Variants in CEP112 observed in about 807,000 individuals in gnomAD.
The protein encoded by CEP112 is centrosomal protein 112, also known as centrosomal protein of 112 kDa.
CEP112 carries 127 observed loss-of-function variants against 153.0 expected under a neutral mutation model. The ratio of observed to expected loss-of-function variants is 0.83; its 90% CI spans 0.72 to 0.96. CEP112 has a LOEUF of 0.96. Ranked by LOEUF, CEP112 falls within the 40% of genes least tolerant of loss-of-function variation. CEP112 has a pLI of 0.00. For missense variants in CEP112, 1,089 were observed against 1,101.2 expected (o/e 0.99, Z 0.16); for synonymous variants, 358 against 374.4 (o/e 0.96, Z 0.51).
At chr17:65,731,255 G>A (rs950040055) in intron 23 of CEP112, among the ~76,000 whole-genome samples, 4 of 152,058 alleles carry the variant, frequency 2.6e-5, no homozygotes, top group African/African-American at 9.7e-5. Flanking sequence ...CTGTAATAAA[G>A]TGTATACCAT....
chr17:65,958,748 A>C (rs1316882747), intron 18 of CEP112, among the ~76,000 whole-genome samples: 2 of 152,092 alleles, frequency 1.3e-5, no homozygotes, highest in Non-Finnish European at 2.9e-5. Context: ...CCTGCTCATA[A>C]GGGGATGGGT....
intron 24 of CEP112, among the ~76,000 whole-genome samples, chr17:65,685,437 G>GT: frequency 6.6e-6 from 1 of 152,232 alleles, no homozygotes; most frequent in African/African-American, 2.4e-5. Flanking sequence ...AATGCAACCA[G>GT]TATCAGGATA....
At chr17:65,746,559 T>C (rs966368715) in intron 22 of CEP112, among the ~76,000 whole-genome samples, 1 of 152,150 alleles carries the variant, frequency 6.6e-6, no homozygotes, top group Non-Finnish European at 1.5e-5. Flanking sequence ...CAGATTAACA[T>C]GCTTCAGGTA....
At chr17:65,937,606 G>A (rs1351868567) in intron 18 of CEP112, among the ~76,000 whole-genome samples, 12 of 103,042 alleles carry the variant, frequency 1.2e-4, no homozygotes, top group Non-Finnish European at 1.4e-4. Context: ...CGCCCCGTCC[G>A]GGAGGGAGGT....
At chr17:65,742,358 TC>T (rs1463582770) in intron 23 of CEP112, among the ~76,000 whole-genome samples, 1 of 152,226 alleles carries the variant, frequency 6.6e-6, no homozygotes. Flanking sequence ...AATTTTTTGT[TC>T]TCTTTTAAAC....
intron 21 of CEP112, among the ~76,000 whole-genome samples, chr17:65,777,787 A>G (rs900420020): frequency 6.6e-6 from 1 of 151,960 alleles, no homozygotes; most frequent in Non-Finnish European, 1.5e-5. Context: ...TTTTTTCTGG[A>G]AGAGAATCTA....
chr17:65,675,250 A>G (rs1181224716), intron 24 of CEP112, among the ~76,000 whole-genome samples: 3 of 152,220 alleles, frequency 2.0e-5, no homozygotes, highest in Non-Finnish European at 4.4e-5. Flanking sequence ...TACCGTAACT[A>G]CTAAAAAAAG....
chr17:65,709,472 TC>T (rs2049070668), intron 23 of CEP112, among the ~76,000 whole-genome samples: 2 of 152,054 alleles, frequency 1.3e-5, no homozygotes, highest in South Asian at 4.2e-4. Flanking sequence ...GAAAGGGGTT[TC>T]CCCTTATGAA....
intron 24 of CEP112, among the ~76,000 whole-genome samples, chr17:65,662,358 G>A (rs1216413395): frequency 6.6e-6 from 1 of 152,212 alleles, no homozygotes; most frequent in African/African-American, 2.4e-5. Flanking sequence ...GTTAGATTGA[G>A]CAAGAGGCTG....
intron 6 of CEP112, among the ~76,000 whole-genome samples, chr17:66,123,820 C>T (rs972508683): frequency 6.6e-6 from 1 of 152,106 alleles, no homozygotes; most frequent in Non-Finnish European, 1.5e-5. Flanking sequence ...TGTTTAATTT[C>T]TAAATATTTG....
intron 24 of CEP112, among the ~76,000 whole-genome samples, chr17:65,653,433 T>A (rs1295696129): frequency 6.6e-6 from 1 of 152,114 alleles, no homozygotes; most frequent in Non-Finnish European, 1.5e-5. Context: ...TAAAGTGAGT[T>A]TGACTGGTGG....
Position 66,175,143 on chromosome 17 carries a change from A to G in CEP112, c.371T>C (p.Leu124Pro), listed in dbSNP as rs777708924. 1.2e-6 allele frequency: 2 copies of G among 1,613,562 alleles called. No homozygotes were observed. Among genetic ancestry groups the G allele is most frequent in the Non-Finnish European group, 1.7e-6 (2 of 1,179,736 alleles). The change falls in exon 4 of 27, where the codon CTG becomes CCG. Residue 124 changes from leucine (L) to proline (P), a missense_variant. Leu to Pro is a moderately conservative substitution (Grantham distance 98). Transcript: ENST00000535342. ...GTGTTCACTTGTCTCCAGCTCACCC[A>G]GTACCCAGGCTGGTAATCCCTCTGG... ...SSPEGLPAWV[L>P]GELETSEHKL...
chr17:65,780,898 A>G (rs2053959665), intron 21 of CEP112, among the ~76,000 whole-genome samples: 1 of 152,096 alleles, frequency 6.6e-6, no homozygotes, highest in African/African-American at 2.4e-5. Flanking sequence ...GCATGCTCAT[A>G]ATGTCTTATT....
At chr17:66,126,456 A>C (rs755608571) in intron 6 of CEP112, among the ~76,000 whole-genome samples, 1 of 152,194 alleles carries the variant, frequency 6.6e-6, no homozygotes, top group African/African-American at 2.4e-5. Flanking sequence ...CCATGCAAGC[A>C]CTCAAATGAA....
chr17:65,671,113 G>T (rs988432094), intron 24 of CEP112, among the ~76,000 whole-genome samples: 1 of 151,856 alleles, frequency 6.6e-6, no homozygotes, highest in African/African-American at 2.4e-5. Context: ...CTGAGAAGGG[G>T]GGTGGGTAAA....
chr17:65,667,254 A>T (rs1322626477), intron 24 of CEP112, among the ~76,000 whole-genome samples: 1 of 152,142 alleles, frequency 6.6e-6, no homozygotes, highest in Non-Finnish European at 1.5e-5. Context: ...ACCAAGCCTT[A>T]ACACATGATT....
At chr17:65,787,220 C>T (rs1187638503) in intron 21 of CEP112, among the ~76,000 whole-genome samples, 3 of 152,148 alleles carry the variant, frequency 2.0e-5, no homozygotes, top group Admixed American at 6.5e-5. Flanking sequence ...TGGCTCACAC[C>T]TGTAATCTCA....
intron 17 of CEP112, among the ~76,000 whole-genome samples, chr17:65,987,362 A>C (rs1325043821): frequency 6.6e-6 from 1 of 152,194 alleles, no homozygotes; most frequent in Non-Finnish European, 1.5e-5. Flanking sequence ...ATATACTCAG[A>C]GGACAAAAAC....
At chr17:65,947,041 A>G (rs1168683374) in intron 18 of CEP112, among the ~76,000 whole-genome samples, 1 of 152,182 alleles carries the variant, frequency 6.6e-6, no homozygotes, top group Non-Finnish European at 1.5e-5. Context: ...GTATATTTGT[A>G]TACAAAATTT....
Sources: gnomAD v4.1 joint callset for allele counts (sites outside exome capture counted in the v4.1 genomes callset) on GRCh38, gnomAD v4.1.1 for gene constraint, MANE v1.5 for transcripts, NCBI Gene and HGNC (gene_info 2026-07-23, HGNC 2026-07-21) for gene names.